Variants in ANO4 observed in about 807,000 individuals in gnomAD.
The protein encoded by ANO4 is anoctamin 4.
A neutral mutation model predicts 141.9 loss-of-function variants in ANO4; 69 were observed. The observed-to-expected ratio is 0.49, with a 90% CI of 0.40 to 0.59. The LOEUF is 0.59. Ranked by LOEUF, ANO4 falls within the 20% of genes least tolerant of loss-of-function variation. The pLI is 0.00. For missense variants in ANO4, 894 were observed against 1,162.2 expected (o/e 0.77, Z 3.36); for synonymous variants, 350 against 394.3 (o/e 0.89, Z 1.33).
intron 1 of ANO4, among the ~76,000 whole-genome samples, chr12:100,853,519 C>T (rs553590204): frequency 1.3e-5 from 2 of 152,004 alleles, no homozygotes; most frequent in South Asian, 2.1e-4. Flanking sequence ...TGAGCTTTTG[C>T]TTCTGTTCTA....
chr12:101,095,249 G>T (rs1264948651), intron 18 of ANO4, among the ~76,000 whole-genome samples: 2 of 151,936 alleles, frequency 1.3e-5, no homozygotes, highest in Admixed American at 6.6e-5. Context: ...CTCTTTTAAT[G>T]TCATTGAAAT....
intron 8 of ANO4, among the ~76,000 whole-genome samples, chr12:100,988,131 T>C (rs1431222841): frequency 6.6e-6 from 1 of 152,186 alleles, no homozygotes; most frequent in Non-Finnish European, 1.5e-5. Flanking sequence ...AGCAGTTCAC[T>C]GGGTTGCCTT....
At chr12:100,855,349 A>G (rs1191530673) in intron 1 of ANO4, among the ~76,000 whole-genome samples, 4 of 152,174 alleles carry the variant, frequency 2.6e-5, no homozygotes, top group African/African-American at 9.6e-5. Flanking sequence ...TAAAAAATAG[A>G]AAAATTTCCC....
chr12:101,083,094 A>G (rs935436766), intron 15 of ANO4, among the ~76,000 whole-genome samples: 6 of 152,240 alleles, frequency 3.9e-5, no homozygotes, highest in Non-Finnish European at 7.3e-5. Context: ...TTAAGAATTA[A>G]GAATATACCT....
rs142586120 is a variant in ANO4 at position 100,770,410 on chromosome 12, T to C, written c.358+30305T>C. On this transcript the variant is annotated intron_variant, in intron 3 of 29. Coordinates refer to the ANO4 transcript ENST00000644049. ...CTTCTTCCTCCCATTACATGGATTT[T>C]GATTTTCTGTTTCTATTTTAGTAGC... Among the ~76,000 whole-genome samples the C allele has an allele frequency of 2.0e-5, 3 of 152,378 alleles. No individual in the cohort carries two copies. The East Asian group carries it at 5.8e-4, about 29-fold the overall frequency.
chr12:101,024,321 C>T lies in ANO4; in HGVS notation c.841+4181C>T, dbSNP rs575626206. ...ATAAAAGTTATCATCTGAGGCCAGG[C>T]ACGGTGGCTCATGCCTATAATCCCA... On this transcript the variant is annotated intron_variant, in intron 9 of 27. Coordinates refer to ENST00000392977, the MANE Select transcript of ANO4 (RefSeq NM_001286615.2). Among the ~76,000 whole-genome samples, 55 of 152,254 alleles carry T rather than the reference C, an allele frequency of 3.6e-4. No homozygotes were observed. In the South Asian group the frequency reaches 0.011, roughly 32 times the overall value.
At chr12:100,940,286 G>A (rs559552788) in intron 4 of ANO4, among the ~76,000 whole-genome samples, 19 of 151,118 alleles carry the variant, frequency 1.3e-4, no homozygotes, top group Admixed American at 4.6e-4. Context: ...ATAATGTGGC[G>A]TAAAGAATGG....
chr12:100,905,277 C>CAAGGGAAG (rs2040788178), intron 2 of ANO4, among the ~76,000 whole-genome samples: 2 of 151,872 alleles, frequency 1.3e-5, no homozygotes, highest in African/African-American at 4.8e-5. Context: ...AAGAGATGAC[C>CAAGGGAAG]AAGGGAAGAA....
chr12:100,870,599 A>C (rs1235448801), intron 1 of ANO4, among the ~76,000 whole-genome samples: 1 of 152,050 alleles, frequency 6.6e-6, no homozygotes, highest in Admixed American at 6.6e-5. Context: ...TTAATCCCTT[A>C]TCCTGTGGGT....
chr12:100,746,705 A>G (rs17400210), intron 3 of ANO4, among the ~76,000 whole-genome samples: 29,156 of 151,990 alleles, frequency 0.19, 3,229 homozygotes, highest in Non-Finnish European at 0.25. Context: ...TCCCTAACTC[A>G]TTGTCCCATG....
At chr12:101,080,884 TA>T (rs1566219628) in intron 15 of ANO4, among the ~76,000 whole-genome samples, 2 of 29,710 alleles carry the variant, frequency 6.7e-5, no homozygotes, top group African/African-American at 1.9e-4. Flanking sequence ...ATATATATAT[TA>T]TATATATATA....
intron 1 of ANO4, among the ~76,000 whole-genome samples, chr12:100,852,100 TA>T (rs958628523): frequency 1.2e-4 from 19 of 152,282 alleles, no homozygotes; most frequent in African/African-American, 4.6e-4. Context: ...GACTTACTTT[TA>T]AAAAGGATTA....
intron 5 of ANO4, among the ~76,000 whole-genome samples, chr12:100,943,469 A>G (rs575220502): frequency 2.6e-5 from 4 of 152,330 alleles, no homozygotes; most frequent in South Asian, 2.1e-4. Context: ...CATAATATGC[A>G]TATACTTGTT....
At chr12:100,928,448 GATAA>G (rs910355905) in intron 3 of ANO4, among the ~76,000 whole-genome samples, 13 of 151,982 alleles carry the variant, frequency 8.6e-5, no homozygotes, top group Non-Finnish European at 1.5e-4. Flanking sequence ...ATATTTAGAA[GATAA>G]ATAAATATTT....
Position 100,820,605 on chromosome 12 carries a change from C to G in ANO4, c.-141+25578C>G, listed in dbSNP as rs370234593. ...GTTTTAGAGCTGTCAGTAGTACTTG[C>G]GCAGTTCTATCTCTACTGCTATGTC... On this transcript the variant is annotated intron_variant, in intron 1 of 27. Transcript: ENST00000392977. Among the ~76,000 whole-genome samples, 19 of 152,100 alleles carry G rather than the reference C, an allele frequency of 1.2e-4. No homozygotes were observed. The East Asian group carries it at 3.7e-3, about 30-fold the overall frequency.
chr12:101,120,552 T>C lies in ANO4; in HGVS notation c.2603T>C (p.Leu868Pro), dbSNP rs765422057. The C allele has an allele frequency of 1.2e-5, 19 of 1,614,148 alleles. No homozygotes were observed. Among genetic ancestry groups the C allele is most frequent in the Non-Finnish European group, 1.5e-5 (18 of 1,180,018 alleles). ...GACTACCGTGACCCGCCTCATTCAC[T>C]GGTGCCCTATGGCTACACACTGCAG... Reference protein sequence around the residue: ...YRDYRDPPHSLVPYGYTLQFW... With the variant: ...YRDYRDPPHSPVPYGYTLQFW... Residue 868 changes from leucine (L) to proline (P), a missense_variant, in exon 26 of 28, where the codon CTG becomes CCG. Around this residue, in one of 2 missense-constraint regions of ANO4, gnomAD observed 637 missense variants for 909.2 expected, o/e 0.70. Transcript: ENST00000392977.
At chr12:100,809,573 A>G (rs910343714) in intron 1 of ANO4, among the ~76,000 whole-genome samples, 3 of 152,192 alleles carry the variant, frequency 2.0e-5, no homozygotes, top group African/African-American at 7.2e-5. Context: ...GCTTCTCCAG[A>G]CAGAGAAACT....
chr12:101,020,684 C>T (rs1417223161), intron 9 of ANO4, among the ~76,000 whole-genome samples: 6 of 152,090 alleles, frequency 3.9e-5, no homozygotes, highest in African/African-American at 7.2e-5. Context: ...GCTGTAAGCA[C>T]GGAGATGAGC....
chr12:100,757,879 C>A (rs551674502), intron 3 of ANO4, among the ~76,000 whole-genome samples: 2 of 152,318 alleles, frequency 1.3e-5, no homozygotes, highest in South Asian at 2.1e-4. Context: ...TGTGGGTCTT[C>A]ATCCATCTAT....
Sources: allele counts gnomAD v4.1 joint callset (sites outside exome capture counted in the v4.1 genomes callset), GRCh38; gene constraint gnomAD v4.1.1; regional missense constraint gnomAD v4.1.1; transcripts MANE v1.5; gene names NCBI Gene and HGNC (gene_info 2026-07-23, HGNC 2026-07-21).